Variants in CDH4 observed in about 807,000 individuals in gnomAD.
CDH4 encodes cadherin 4.
A neutral mutation model predicts 86.0 loss-of-function variants in CDH4; 33 were observed. That is an observed-to-expected ratio of 0.38 (90% CI 0.29 to 0.51). The LOEUF (loss-of-function observed/expected upper bound fraction) is 0.51, where lower values mean the gene tolerates loss of function less well. Among genes scored for constraint, CDH4 ranks in the 20% least tolerant of loss-of-function variants. The pLI, the probability that CDH4 is intolerant of heterozygous loss-of-function variation, is 0.86. For missense variants in CDH4, 1,114 were observed against 1,307.4 expected (o/e 0.85, Z 2.28); for synonymous variants, 555 against 549.4 (o/e 1.01, Z -0.14).
chr20:61,718,510 C>T (rs1322069868), intron 2 of CDH4: 1 of 320,772 alleles, frequency 3.1e-6, no homozygotes, highest in Non-Finnish European at 6.2e-6. Flanking sequence ...CAGTGCCGTC[C>T]CATATCCCAG....
At chr20:61,338,161 G>T (rs1288613639) in intron 2 of CDH4, among the ~76,000 whole-genome samples, 1 of 152,100 alleles carries the variant, frequency 6.6e-6, no homozygotes, top group Non-Finnish European at 1.5e-5. Context: ...TTTGACCAAG[G>T]AAAGAAATAT....
chr20:61,568,906 C>A (rs2086321230), intron 2 of CDH4, among the ~76,000 whole-genome samples: 2 of 152,184 alleles, frequency 1.3e-5, no homozygotes, highest in African/African-American at 2.4e-5. Flanking sequence ...GAAGAGGTGA[C>A]TTTTCTGCTC....
At chr20:61,672,413 C>T (rs191248791) in intron 2 of CDH4, among the ~76,000 whole-genome samples, 1 of 152,262 alleles carries the variant, frequency 6.6e-6, no homozygotes, top group African/African-American at 2.4e-5. Context: ...TTATGCAAAG[C>T]CCAGTCCATC....
intron 2 of CDH4, among the ~76,000 whole-genome samples, chr20:61,383,377 GGATATATATGAATATAT>G (rs1387003333): frequency 0.022 from 26 of 1,172 alleles, 2 homozygotes; most frequent in Non-Finnish European, 0.035. Flanking sequence ...GAATATATAT[GGATATATATGAATATAT>G]GATATATATG....
At chr20:61,283,538 C>T (rs1447969618) in intron 2 of CDH4, among the ~76,000 whole-genome samples, 1 of 131,218 alleles carries the variant, frequency 7.6e-6, no homozygotes, top group Non-Finnish European at 1.6e-5. Context: ...GGTGCATTTA[C>T]ACGCGTGTGC....
intron 2 of CDH4, among the ~76,000 whole-genome samples, chr20:61,394,376 G>A (rs2085003807): frequency 6.6e-6 from 1 of 152,200 alleles, no homozygotes; most frequent in Non-Finnish European, 1.5e-5. Context: ...AGCAGCAGCA[G>A]CAACCCAGTC....
At chr20:61,716,034 C>G (rs2087948873) in intron 2 of CDH4, among the ~76,000 whole-genome samples, 1 of 152,242 alleles carries the variant, frequency 6.6e-6, no homozygotes, top group Admixed American at 6.5e-5. Flanking sequence ...AGCAGCAGCC[C>G]CAGTGCCAGC....
intron 2 of CDH4, among the ~76,000 whole-genome samples, chr20:61,348,264 A>G (rs6028142): frequency 0.2 from 30,066 of 151,984 alleles, 2,944 homozygotes; most frequent in Middle Eastern, 0.35. Context: ...TGGCAGGCAA[A>G]AGAGCATGTG....
At chr20:61,364,053 T>A (rs574561530) in intron 2 of CDH4, among the ~76,000 whole-genome samples, 1 of 152,274 alleles carries the variant, frequency 6.6e-6, no homozygotes, top group East Asian at 1.9e-4. Context: ...CCATGTGTCG[T>A]TTAGACACTC....
chr20:61,603,921 C>T (rs1321494776), intron 2 of CDH4, among the ~76,000 whole-genome samples: 1 of 152,134 alleles, frequency 6.6e-6, no homozygotes, highest in Non-Finnish European at 1.5e-5. Flanking sequence ...TGTGGGTATG[C>T]AGTACACACA....
chr20:61,889,373 G>C (rs1022712923), intron 7 of CDH4, among the ~76,000 whole-genome samples: 1 of 151,112 alleles, frequency 6.6e-6, no homozygotes, highest in African/African-American at 2.4e-5. Context: ...GATGATGGAT[G>C]GGTGGGTGGA....
At chr20:61,387,587 C>A (rs1450135217) in intron 2 of CDH4, among the ~76,000 whole-genome samples, 1 of 152,064 alleles carries the variant, frequency 6.6e-6, no homozygotes. Flanking sequence ...TAGACACACG[C>A]ACATTTGGCC....
chr20:61,844,793 C>T lies in CDH4; in HGVS notation c.702C>T (p.Pro234=), dbSNP rs2146102015. 1 of 1,613,724 alleles carries T rather than the reference C, an allele frequency of 6.2e-7. No homozygotes were observed. The highest frequency in any genetic ancestry group is 1.7e-4 in the Middle Eastern group (1 of 6,060). Reference sequence around the variant, plus strand: ...CCGGCCGGATGTACGTCACAAGGCCCATGGACCGGGAGGAGCACGCCTCTT... The same window carrying T: ...CCGGCCGGATGTACGTCACAAGGCCTATGGACCGGGAGGAGCACGCCTCTT... The part of the protein sequence containing the change: ...SMSGRMYVTR[P]MDREEHASYH... The change falls in exon 5 of 16, where the codon CCC becomes CCT. Residue 234 remains proline (P), a synonymous_variant. Coordinates refer to ENST00000614565, the MANE Select transcript of CDH4 (RefSeq NM_001794.5).
intron 11 of CDH4, among the ~76,000 whole-genome samples, chr20:61,924,855 G>A (rs902339530): frequency 2.0e-5 from 3 of 152,226 alleles, no homozygotes; most frequent in Non-Finnish European, 4.4e-5. Context: ...ATGCATCTCA[G>A]TTTTGCTGCC....
At chr20:61,603,635 G>T (rs932355275) in intron 2 of CDH4, among the ~76,000 whole-genome samples, 1 of 152,180 alleles carries the variant, frequency 6.6e-6, no homozygotes, top group South Asian at 2.1e-4. Context: ...TGCCCACCCC[G>T]TCTGCCCAGG....
chr20:61,929,881 T>C (rs2122997669), intron 13 of CDH4, 39 bp downstream of exon 13: 1 of 1,512,832 alleles, frequency 6.6e-7, no homozygotes, highest in Non-Finnish European at 9.2e-7. Flanking sequence ...AGGGGCATTG[T>C]GGGTATGAGT....
chr20:61,388,871 A>T (rs945326237), intron 2 of CDH4, among the ~76,000 whole-genome samples: 7 of 152,244 alleles, frequency 4.6e-5, no homozygotes, highest in African/African-American at 1.7e-4. Flanking sequence ...GTGTGAGCAT[A>T]ATATACTATA....
In CDH4 at chr20:61,936,802, C is replaced by T. The variant is rs3761221; in HGVS notation, c.2610C>T (p.Tyr870=). 0.041 allele frequency: 66,348 copies of T among 1,610,328 alleles called. 2,832 individuals are homozygous for T. Among genetic ancestry groups the T allele is most frequent in the East Asian group, 0.24 (10,721 of 44,314 alleles). Residue 870 remains tyrosine (Y), a synonymous_variant, in exon 16 of 16, where the codon TAC becomes TAT. Coordinates refer to ENST00000614565, the MANE Select transcript of CDH4 (RefSeq NM_001794.5). ...ATGACTCCCTGCTGGTCTTCGACTACGAGGGGAGCGGCTCCACCGCAGGCT... is the reference window on the plus strand; with the variant it reads ...ATGACTCCCTGCTGGTCTTCGACTATGAGGGGAGCGGCTCCACCGCAGGCT... ...PPYDSLLVFD[Y]EGSGSTAGSV...
chr20:61,381,841 T>C (rs956198664), intron 2 of CDH4, among the ~76,000 whole-genome samples: 7 of 152,142 alleles, frequency 4.6e-5, no homozygotes, highest in Admixed American at 1.3e-4. Flanking sequence ...TTTGAGAAGC[T>C]GGGCGGGTGG....
Sources: allele counts gnomAD v4.1 joint callset (sites outside exome capture counted in the v4.1 genomes callset), GRCh38; gene constraint gnomAD v4.1.1; transcripts MANE v1.5; gene names NCBI Gene and HGNC (gene_info 2026-07-23, HGNC 2026-07-21).